Variants in GAPVD1 observed in about 807,000 individuals in gnomAD.
GAPVD1 encodes the protein GTPase activating protein and VPS9 domains 1.
A neutral mutation model predicts 155.5 loss-of-function variants in GAPVD1; 35 were observed. That is an observed-to-expected ratio of 0.23 (90% CI 0.17 to 0.30). The LOEUF is 0.30. Among genes scored for constraint, GAPVD1 ranks in the 10% least tolerant of loss-of-function variants. The pLI, the probability that GAPVD1 is intolerant of heterozygous loss-of-function variation, is 1.00. For synonymous variants in GAPVD1, 636 were observed against 619.7 expected (o/e 1.03, Z -0.39); for missense variants, 1,429 against 1,775.7 (o/e 0.80, Z 3.51).
At chr9:125,271,290 G>A (rs545384000) in intron 2 of GAPVD1, among the ~76,000 whole-genome samples, 1 of 151,818 alleles carries the variant, frequency 6.6e-6, no homozygotes, top group Non-Finnish European at 1.5e-5. Flanking sequence ...GTACACCCAC[G>A]CTGGAGACTA....
chr9:125,291,348 G>A, intron 2 of GAPVD1, among the ~76,000 whole-genome samples: 1 of 152,148 alleles, frequency 6.6e-6, no homozygotes, highest in Admixed American at 6.6e-5. Flanking sequence ...CTACATGTGT[G>A]GATGAGGCAG....
chr9:125,303,457 C>T (rs1841255582), intron 5 of GAPVD1, among the ~76,000 whole-genome samples: 1 of 150,608 alleles, frequency 6.6e-6, no homozygotes, highest in African/African-American at 2.4e-5. Flanking sequence ...ATAGTGAGAC[C>T]CCCAACTGCC....
At chr9:125,268,777 A>G (rs558369157) in intron 1 of GAPVD1, among the ~76,000 whole-genome samples, 159 bp from the exon 2 acceptor site, 1 of 152,248 alleles carries the variant, frequency 6.6e-6, no homozygotes, top group East Asian at 1.9e-4. Context: ...CAAGTAGTTC[A>G]TCTGCCTCGG....
At position 125,337,212 on chromosome 9, in the gene GAPVD1, G is replaced by T; in HGVS notation, c.2507-9G>T. On this transcript the variant is annotated splice_polypyrimidine_tract_variant and intron_variant, in intron 16 of 27. Coordinates refer to ENST00000297933, the MANE Select transcript of GAPVD1 (RefSeq NM_001282680.3). ...TCTCAGTTACAAAACTTTTTTTCCT[G>T]TGTTGCAGGGGCTTCTGCTGTGGTA... 2 of 1,611,888 alleles carry T rather than the reference G, an allele frequency of 1.2e-6. No homozygotes were observed. The highest frequency in any genetic ancestry group is 8.5e-7 in the Non-Finnish European group (1 of 1,178,978).
chr9:125,335,348 C>A, intron 15 of GAPVD1: 1 of 500,070 alleles, frequency 2.0e-6, no homozygotes, highest in Non-Finnish European at 3.6e-6. Flanking sequence ...ATTTTTAATG[C>A]TTTTTTGTGT....
intron 19 of GAPVD1, 100 bp downstream of exon 19, chr9:125,342,399 G>GT: frequency 1.4e-6 from 1 of 740,510 alleles, no homozygotes; most frequent in South Asian, 1.5e-5. Flanking sequence ...CTAGAAGAGT[G>GT]TGTCTGTGTG....
intron 15 of GAPVD1, among the ~76,000 whole-genome samples, chr9:125,336,456 G>A (rs1008769840): frequency 2.6e-5 from 4 of 152,144 alleles, no homozygotes; most frequent in African/African-American, 9.6e-5. Flanking sequence ...TTATTTGTAC[G>A]CTGTCTGTAC....
chr9:125,308,167 T>C (rs1333892568), intron 8 of GAPVD1: 5 of 514,310 alleles, frequency 9.7e-6, no homozygotes, highest in Non-Finnish European at 1.7e-5. Flanking sequence ...GGAAATGTTA[T>C]AAGTAGTCAT....
chr9:125,263,760 C>T (rs933951159), intron 1 of GAPVD1: 20 of 921,978 alleles, frequency 2.2e-5, no homozygotes, highest in East Asian at 7.2e-5. Flanking sequence ...TTGTGAGTCT[C>T]GCAGGTCACT....
At chr9:125,324,251 T>C (rs561581878) in intron 11 of GAPVD1, among the ~76,000 whole-genome samples, 6 of 152,268 alleles carry the variant, frequency 3.9e-5, no homozygotes, top group Middle Eastern at 3.4e-3. Context: ...TAAAGTATCA[T>C]GAAAGTATTT....
intron 2 of GAPVD1, among the ~76,000 whole-genome samples, chr9:125,283,859 A>G (rs1837201628): frequency 6.6e-6 from 1 of 151,550 alleles, no homozygotes; most frequent in African/African-American, 2.4e-5. Context: ...TAATATATGT[A>G]TTTTCCTTGA....
At chr9:125,338,953 GTGTGTATA>G (rs1427918765) in intron 17 of GAPVD1, among the ~76,000 whole-genome samples, 65 of 149,256 alleles carry the variant, frequency 4.4e-4, no homozygotes, top group Non-Finnish European at 7.3e-4. Flanking sequence ...GTGTGTGTGT[GTGTGTATA>G]TATATTTTTT....
chr9:125,302,305 C>T lies in GAPVD1; in HGVS notation c.508C>T (p.Leu170Phe). The change falls in exon 5 of 28, where the codon CTT (leucine) becomes TTT (phenylalanine). Residue 170 changes from leucine (L) to phenylalanine (F), a missense_variant. Physicochemically the swap from Leu to Phe is conservative, Grantham distance 22 (BLOSUM62 0). Transcript: ENST00000297933. ...TAAAGAAAGTGACAACCCTAGGCGACTTTTGAGGAGAGGAACTTGTGCCTT... is the reference window on the plus strand; with the variant it reads ...TAAAGAAAGTGACAACCCTAGGCGATTTTTGAGGAGAGGAACTTGTGCCTT... ...ELKESDNPRR[L>F]LRRGTCAFSI... 1 of 1,614,032 alleles carries T rather than the reference C, an allele frequency of 6.2e-7. No homozygotes were observed. Among genetic ancestry groups the T allele is most frequent in the Non-Finnish European group, 8.5e-7 (1 of 1,179,916 alleles).
chr9:125,290,076 G>A (rs1024272264), intron 2 of GAPVD1, among the ~76,000 whole-genome samples: 2 of 152,158 alleles, frequency 1.3e-5, no homozygotes. Context: ...CATGGATTTA[G>A]TAGCATGTTT....
chr9:125,291,931 G>A (rs1210121712), intron 2 of GAPVD1, among the ~76,000 whole-genome samples: 1 of 152,082 alleles, frequency 6.6e-6, no homozygotes, highest in Non-Finnish European at 1.5e-5. Context: ...AGGTGAGATA[G>A]GAAGAGGTGA....
chr9:125,292,873 G>A (rs1838837682), intron 2 of GAPVD1, among the ~76,000 whole-genome samples: 1 of 152,174 alleles, frequency 6.6e-6, no homozygotes, highest in Non-Finnish European at 1.5e-5. Context: ...TTCTGCAGAT[G>A]TTTTAATATA....
intron 15 of GAPVD1, among the ~76,000 whole-genome samples, chr9:125,334,161 A>G (rs1251292375): frequency 4.0e-5 from 6 of 151,098 alleles, no homozygotes; most frequent in Non-Finnish European, 7.4e-5. Context: ...TTAACTGTCC[A>G]TTTTCACCGT....
intron 19 of GAPVD1, 73 bp from the exon 20 acceptor site, chr9:125,346,746 A>G (rs750668751): frequency 2.3e-5 from 26 of 1,139,424 alleles, no homozygotes; most frequent in Non-Finnish European, 3.3e-5. Context: ...GGATTATGCT[A>G]CTGGTGTCAT....
rs1396652405 is a variant in GAPVD1, at chr9:125,347,038, G to A, written c.3169+97G>A. 7.3e-6 allele frequency: 9 copies of A among 1,230,592 alleles called. No homozygotes were observed. The Admixed American group carries it at 1.2e-4, about 16-fold the overall frequency. The allele number at this position is 1,230,592 out of a possible 1,614,324, so 76.2% of individuals were successfully genotyped here. ...GGCCTTTAAAAGAAAGAATAGCTAA[G>A]GGAGTCAGTTTACTACCTCAAAATT... On this transcript the variant is annotated intron_variant, in intron 20 of 27. Transcript: ENST00000297933.
Sources: gnomAD v4.1 joint callset for allele counts (sites outside exome capture counted in the v4.1 genomes callset) on GRCh38, gnomAD v4.1.1 for gene constraint, MANE v1.5 for transcripts, NCBI Gene and HGNC (gene_info 2026-07-23, HGNC 2026-07-21) for gene names.